The following ADAM10 variants were observed in gnomAD, a reference collection of about 807,000 sequenced individuals.
The protein encoded by ADAM10 is ADAM metallopeptidase domain 10, also known as disintegrin and metalloproteinase domain-containing protein 10.
A neutral mutation model predicts 90.1 loss-of-function variants in ADAM10; 17 were observed. The ratio of observed to expected loss-of-function variants is 0.19; its 90% CI spans 0.13 to 0.28. The LOEUF is 0.28. ADAM10 is among the 10% of genes least tolerant of loss of function. The pLI is 1.00. For synonymous variants in ADAM10, 310 were observed against 298.6 expected, an observed-to-expected ratio of 1.04 and a Z score of -0.40; for missense variants, 610 against 914.3, an observed-to-expected ratio of 0.67 and a Z score of 4.29.
At chr15:58,665,035 T>C (rs994992549) in intron 5 of ADAM10, 62 bp downstream of exon 5, 25 of 1,217,116 alleles carry the variant, frequency 2.1e-5, no homozygotes, top group Non-Finnish European at 2.6e-5. Flanking sequence ...ATTTTAAATG[T>C]AGATATACAT....
chr15:58,679,800 C>A (rs1191065664), intron 3 of ADAM10, among the ~76,000 whole-genome samples: 1 of 152,094 alleles, frequency 6.6e-6, no homozygotes. Flanking sequence ...TCCAGCTACT[C>A]AGGAGGCTGA....
At chr15:58,641,785 T>C (rs1473352563) in intron 7 of ADAM10, among the ~76,000 whole-genome samples, 2 of 152,142 alleles carry the variant, frequency 1.3e-5, no homozygotes, top group African/African-American at 4.8e-5. Flanking sequence ...GGAATTACAA[T>C]ATGAAAGTAA....
At chr15:58,606,968 T>C (rs1462076965) in intron 14 of ADAM10, among the ~76,000 whole-genome samples, 1 of 152,238 alleles carries the variant, frequency 6.6e-6, no homozygotes, top group Non-Finnish European at 1.5e-5. Flanking sequence ...TGTAAACAAA[T>C]GGGTGTGGCC....
intron 1 of ADAM10, among the ~76,000 whole-genome samples, chr15:58,734,787 T>C (rs1190368508): frequency 1.1e-4 from 16 of 151,398 alleles, no homozygotes; most frequent in African/African-American, 3.9e-4. Context: ...AACTGACGTC[T>C]ACCTCTAAGA....
chr15:58,738,576 A>G (rs1350053241), intron 1 of ADAM10, among the ~76,000 whole-genome samples: 1 of 152,216 alleles, frequency 6.6e-6, no homozygotes, highest in East Asian at 1.9e-4. Flanking sequence ...ATTTCAACAT[A>G]CCCACTTTTT....
At chr15:58,652,092 G>C (rs541536156) in intron 5 of ADAM10, among the ~76,000 whole-genome samples, 1 of 151,994 alleles carries the variant, frequency 6.6e-6, no homozygotes, top group Non-Finnish European at 1.5e-5. Flanking sequence ...TTTTTAATCA[G>C]ATTAGATTTT....
chr15:58,692,271 C>G (rs774552189), intron 2 of ADAM10: 4 of 605,588 alleles, frequency 6.6e-6, no homozygotes, highest in Non-Finnish European at 3.3e-6. Flanking sequence ...AGTGGTCTTC[C>G]CAGGCACTGG....
intron 5 of ADAM10, among the ~76,000 whole-genome samples, chr15:58,648,644 C>G (rs1241616721): frequency 6.6e-6 from 1 of 152,116 alleles, no homozygotes; most frequent in Non-Finnish European, 1.5e-5. Context: ...GTTCAGCTCT[C>G]CCATATCTTC....
intron 5 of ADAM10, among the ~76,000 whole-genome samples, chr15:58,657,235 T>C (rs1485405667): frequency 6.6e-6 from 1 of 152,224 alleles, no homozygotes; most frequent in East Asian, 1.9e-4. Context: ...TATCTTTTTC[T>C]AGGTTTGAGA....
chr15:58,622,195 G>A (rs1199956251), intron 10 of ADAM10, among the ~76,000 whole-genome samples: 2 of 152,086 alleles, frequency 1.3e-5, no homozygotes, highest in African/African-American at 4.8e-5. Flanking sequence ...ACTTCAGAAT[G>A]TATCACTATG....
intron 2 of ADAM10, chr15:58,691,695 T>C: frequency 2.8e-6 from 1 of 355,268 alleles, no homozygotes; most frequent in South Asian, 2.2e-5. Context: ...TTTTTTTTTT[T>C]TTTTTTGAGA....
Position 58,673,517 on chromosome 15 carries a change from A to G in ADAM10, c.484+5607T>C, listed in dbSNP as rs537561300. On this transcript the variant is annotated intron_variant, in intron 4 of 15. Transcript: ENST00000260408. ...TTTCATTATAGCTAAAATATTTTAT[A>G]TTGATGTTTTAAGATAAATATATAT... Among the ~76,000 whole-genome samples the G allele has an allele frequency of 8.6e-5, 13 of 151,658 alleles. No homozygotes were observed. In the East Asian group the frequency reaches 2.5e-3, roughly 29 times the overall value.
chr15:58,689,240 C>T (rs1425582333), intron 2 of ADAM10, among the ~76,000 whole-genome samples: 1 of 152,114 alleles, frequency 6.6e-6, no homozygotes, highest in Non-Finnish European at 1.5e-5. Context: ...AATCCTAGCA[C>T]TTTGGGAGGC....
chr15:58,599,133 G>A (rs1895039168), intron 15 of ADAM10, among the ~76,000 whole-genome samples: 1 of 136,748 alleles, frequency 7.3e-6, no homozygotes, highest in South Asian at 2.7e-4. Flanking sequence ...GTCCAGCCTG[G>A]GCAACACAGT....
chr15:58,609,706 A>T (rs1184950533), intron 14 of ADAM10: 1 of 154,842 alleles, frequency 6.5e-6, no homozygotes, highest in Non-Finnish European at 1.4e-5. Flanking sequence ...GAGATAGTCA[A>T]TCTTGACAAT....
chr15:58,735,054 C>T (rs1422285795), intron 1 of ADAM10, among the ~76,000 whole-genome samples: 1 of 152,180 alleles, frequency 6.6e-6, no homozygotes, highest in African/African-American at 2.4e-5. Context: ...CAGTCAAGAG[C>T]TCAGAAAGTA....
chr15:58,679,071 T>C, intron 4 of ADAM10, 53 bp downstream of exon 4: 1 of 1,532,990 alleles, frequency 6.5e-7, no homozygotes, highest in Non-Finnish European at 8.9e-7. Context: ...CACACAGTTT[T>C]AACTATCATA....
chr15:58,657,907 C>T (rs1371528995), intron 5 of ADAM10, among the ~76,000 whole-genome samples: 7 of 147,234 alleles, frequency 4.8e-5, no homozygotes, highest in African/African-American at 1.8e-4. Flanking sequence ...TTTTTCTTAA[C>T]TGAGTTATAA....
intron 1 of ADAM10, among the ~76,000 whole-genome samples, chr15:58,720,553 C>A (rs1473308936): frequency 5.3e-5 from 8 of 151,974 alleles, no homozygotes; most frequent in African/African-American, 1.7e-4. Flanking sequence ...AGGCACCTGC[C>A]ACCACGCCCG....
Sources: allele counts gnomAD v4.1 joint callset (sites outside exome capture counted in the v4.1 genomes callset), GRCh38; gene constraint gnomAD v4.1.1; transcripts MANE v1.5; gene names NCBI Gene and HGNC (gene_info 2026-07-23, HGNC 2026-07-21).